Variants in ANKS1B observed in about 807,000 individuals in gnomAD.
The protein encoded by ANKS1B is ankyrin repeat and sterile alpha motif domain-containing protein 1B.
A neutral mutation model predicts 148.3 loss-of-function variants in ANKS1B; 36 were observed. The ratio of observed to expected loss-of-function variants is 0.24; its 90% CI spans 0.19 to 0.32. The LOEUF is 0.32. ANKS1B is among the 10% of genes least tolerant of loss of function. ANKS1B has a pLI of 1.00. For missense variants in ANKS1B, 1,157 were observed against 1,542.6 expected (o/e 0.75, Z 4.19); for synonymous variants, 542 against 560.8 (o/e 0.97, Z 0.47).
At chr12:99,695,112 T>C (rs1372700038) in intron 8 of ANKS1B, among the ~76,000 whole-genome samples, 4 of 152,178 alleles carry the variant, frequency 2.6e-5, no homozygotes, top group African/African-American at 7.2e-5. Flanking sequence ...ACAAATGAGC[T>C]CTGTTTATAA....
intron 8 of ANKS1B, among the ~76,000 whole-genome samples, chr12:99,752,695 A>G: frequency 1.3e-5 from 2 of 152,058 alleles, no homozygotes; most frequent in East Asian, 3.9e-4. Flanking sequence ...ACCCCTTCAC[A>G]ATATACCCTT....
chr12:99,598,291 C>T lies in ANKS1B; in HGVS notation c.1272+56776G>A, dbSNP rs144763634. On this transcript the variant is annotated intron_variant, in intron 9 of 26. Transcript: ENST00000683438. ...GAATTCCTCCTTCCTTCAAAGAGCT[C>T]ATTGTCCAGTGAAGAGACAGTCATA... Among the ~76,000 whole-genome samples the T allele has an allele frequency of 8.1e-3, 1,236 of 152,138 alleles. 19 individuals are homozygous for T. The highest frequency in any genetic ancestry group is 0.028 in the African/African-American group (1,169 of 41,526).
rs544010388 is a variant in ANKS1B at position 99,100,557 on chromosome 12, T to G, written c.2527-15534A>C. 2.0e-5 allele frequency among the ~76,000 whole-genome samples: 3 copies of G among 152,160 alleles called. No homozygotes were observed. In the South Asian group the frequency reaches 6.2e-4, roughly 32 times the overall value. On this transcript the variant is annotated intron_variant, in intron 15 of 26. Coordinates refer to ENST00000683438, the MANE Select transcript of ANKS1B (RefSeq NM_001352186.2). ...TTTTTATTATTGTTTTGAGACAGAG[T>G]CTTGCTATGTCACCCAGGCTGGAGT...
At chr12:99,593,433 AAAG>A (rs994958488) in intron 9 of ANKS1B, among the ~76,000 whole-genome samples, 8 of 152,264 alleles carry the variant, frequency 5.3e-5, no homozygotes, top group African/African-American at 1.7e-4. Context: ...TATAATTTAT[AAAG>A]AATACCTAAA....
chr12:99,393,785 AG>A (rs2094154179), intron 12 of ANKS1B, among the ~76,000 whole-genome samples: 1 of 152,102 alleles, frequency 6.6e-6, no homozygotes, highest in African/African-American at 2.4e-5. Flanking sequence ...TCCAGTCCTA[AG>A]ATCTTATTGA....
In ANKS1B at chr12:98,961,892, C is replaced by A. The variant is rs376974058; in HGVS notation, c.2778+91265G>T. Among the ~76,000 whole-genome samples the A allele has an allele frequency of 5.3e-4, 80 of 150,978 alleles. No homozygotes were observed. The South Asian group carries it at 0.015, about 29-fold the overall frequency. ...TTCAAACCTCATGGTAACTTCAAAT[C>A]AAAAATCATACAACAGAGAAAAAAT... On this transcript the variant is annotated intron_variant, in intron 17 of 26. Coordinates refer to ENST00000683438, the MANE Select transcript of ANKS1B (RefSeq NM_001352186.2).
In ANKS1B at chr12:98,829,918, A is replaced by C. The variant is rs190003518; in HGVS notation, c.2887-565T>G. Among the ~76,000 whole-genome samples, 7 of 152,324 alleles carry C rather than the reference A, an allele frequency of 4.6e-5. No individual in the cohort carries two copies. In the East Asian group the frequency reaches 1.4e-3, roughly 29 times the overall value. On this transcript the variant is annotated intron_variant, in intron 18 of 26. Coordinates refer to ENST00000683438, the MANE Select transcript of ANKS1B (RefSeq NM_001352186.2). The surrounding 1 kb of genome is among the most constrained non-coding windows in gnomAD (Gnocchi z 5.2). ...CCAAGGGAAACGGGTCAGGAGGAAGATAGGGGGCATAGACAGCTCAGCTCT... is the reference window on the plus strand; with the variant it reads ...CCAAGGGAAACGGGTCAGGAGGAAGCTAGGGGGCATAGACAGCTCAGCTCT...
chr12:99,627,786 T>C (rs1048313011), intron 9 of ANKS1B, among the ~76,000 whole-genome samples: 5 of 152,134 alleles, frequency 3.3e-5, no homozygotes, highest in Admixed American at 2.0e-4. Context: ...GCCACAGTTA[T>C]CAAAAAGAAA....
At chr12:99,610,003 G>A (rs1050370491) in intron 9 of ANKS1B, among the ~76,000 whole-genome samples, 48 of 152,128 alleles carry the variant, frequency 3.2e-4, no homozygotes, top group African/African-American at 1.1e-3. Context: ...TGAGTCAGTT[G>A]CCTCAGCCGC....
At chr12:99,544,302 A>G (rs1273838694) in intron 9 of ANKS1B, among the ~76,000 whole-genome samples, 5 of 152,128 alleles carry the variant, frequency 3.3e-5, no homozygotes, top group African/African-American at 9.7e-5. Context: ...GATATCAGTG[A>G]CAGTCAATGT....
intron 8 of ANKS1B, among the ~76,000 whole-genome samples, chr12:99,716,734 G>T (rs144423165): frequency 1.3e-5 from 2 of 151,780 alleles, no homozygotes; most frequent in South Asian, 4.2e-4. Context: ...AATGCAAATC[G>T]TCCCAAATCT....
In ANKS1B at chr12:98,751,823, A is replaced by G. The variant is rs554010740; in HGVS notation, c.3580-301T>C. On this transcript the variant is annotated intron_variant, in intron 25 of 26. Transcript: ENST00000683438. The surrounding 1 kb of genome is among the most constrained non-coding windows in gnomAD (Gnocchi z 4.3). ...GCCTTGCATTCTATTCCTAAATAAG[A>G]TAGCTACAAAGATAAAAAAGCTACA... is the stretch of plus-strand genomic sequence containing the variant. Among the ~76,000 whole-genome samples, 1 of 152,216 alleles carries G rather than the reference A, an allele frequency of 6.6e-6. No individual in the cohort carries two copies. Among genetic ancestry groups the G allele is most frequent in the Non-Finnish European group, 1.5e-5 (1 of 68,030 alleles).
intron 1 of ANKS1B, among the ~76,000 whole-genome samples, chr12:99,832,362 C>T (rs1460773519): frequency 1.3e-5 from 2 of 151,838 alleles, no homozygotes; most frequent in Non-Finnish European, 1.5e-5. Flanking sequence ...CTGAGGCGGG[C>T]GGATCACCTG....
rs149126246 is a variant in ANKS1B at position 99,557,209 on chromosome 12, C to T, written c.1273-52568G>A. On this transcript the variant is annotated intron_variant, in intron 9 of 26. Transcript: ENST00000683438. ...CTCTGCATTTCCTGAATTTGAATGT[C>T]GACCTCTCTAGTGATGTTGGAAACA... 2.2e-3 allele frequency among the ~76,000 whole-genome samples: 342 copies of T among 152,176 alleles called. 2 individuals carry two copies. The highest frequency in any genetic ancestry group is 7.7e-3 in the African/African-American group (321 of 41,530).
At chr12:99,069,509 A>G (rs2045611739) in intron 16 of ANKS1B, among the ~76,000 whole-genome samples, 1 of 152,242 alleles carries the variant, frequency 6.6e-6, no homozygotes. Context: ...GAGGGTTAAA[A>G]CTAATATAAT....
intron 8 of ANKS1B, among the ~76,000 whole-genome samples, chr12:99,682,223 A>G (rs929106361): frequency 1.3e-5 from 2 of 152,196 alleles, no homozygotes; most frequent in African/African-American, 4.8e-5. Context: ...GTCAACAAAG[A>G]AACAATGAAC....
chr12:99,898,963 T>G (rs564022644), intron 1 of ANKS1B, among the ~76,000 whole-genome samples: 1 of 152,300 alleles, frequency 6.6e-6, no homozygotes, highest in East Asian at 1.9e-4. Context: ...ATGAGTCTAG[T>G]CCTCTCATTT....
At chr12:98,779,003 G>T (rs999323051) in intron 24 of ANKS1B, among the ~76,000 whole-genome samples, 1 of 152,110 alleles carries the variant, frequency 6.6e-6, no homozygotes, top group Non-Finnish European at 1.5e-5. Context: ...GGCACATGTT[G>T]TCATACATTC....
intron 17 of ANKS1B, among the ~76,000 whole-genome samples, chr12:98,844,202 A>C (rs972295764): frequency 6.6e-6 from 1 of 152,234 alleles, no homozygotes; most frequent in Non-Finnish European, 1.5e-5. Flanking sequence ...AACGTCTCTC[A>C]GTATCACCTA....
Sources: allele counts gnomAD v4.1 joint callset (sites outside exome capture counted in the v4.1 genomes callset), GRCh38; gene constraint gnomAD v4.1.1; non-coding constraint Gnocchi (gnomAD v3.1); transcripts MANE v1.5; gene names NCBI Gene and HGNC (gene_info 2026-07-23, HGNC 2026-07-21).